The following ATIC variants were observed in gnomAD, a reference collection of about 807,000 sequenced individuals.
ATIC encodes 5-aminoimidazole-4-carboxamide ribonucleotide formyltransferase/IMP cyclohydrolase.
ATIC carries 64 observed loss-of-function variants against 72.5 expected under a neutral mutation model. The ratio of observed to expected loss-of-function variants is 0.88; its 90% confidence interval spans 0.72 to 1.09. The LOEUF is 1.09. ATIC is among the 50% of genes least tolerant of loss of function. The pLI, the probability that ATIC is intolerant of heterozygous loss-of-function variation, is 0.00. For missense variants in ATIC, 787 were observed against 732.4 expected (o/e 1.07, Z -0.86); for synonymous variants, 281 against 267.1 (o/e 1.05, Z -0.51).
At chr2:215,338,662 A>G in intron 11 of ATIC, 117 bp from the exon 12 acceptor site, 2 of 1,114,806 alleles carry the variant, frequency 1.8e-6, no homozygotes, top group Non-Finnish European at 2.5e-6. Flanking sequence ...GAAAACTGTA[A>G]AAAATTAGAA....
chr2:215,344,708 T>TAA, intron 12 of ATIC, 71 bp from the exon 13 acceptor site: 2 of 1,447,894 alleles, frequency 1.4e-6, no homozygotes, highest in South Asian at 2.4e-5. Context: ...AAATAATATT[T>TAA]AAAAAAAGAA....
At chr2:215,320,488 G>A (rs2052754885) in intron 4 of ATIC, among the ~76,000 whole-genome samples, 2 of 152,196 alleles carry the variant, frequency 1.3e-5, no homozygotes, top group Non-Finnish European at 2.9e-5. Context: ...GGAAAGCAGA[G>A]GGGGAGCTGG....
chr2:215,319,565 CAATGGGATTT>C (rs2052745285), intron 3 of ATIC, 90 bp from the exon 4 acceptor site: 1 of 904,276 alleles, frequency 1.1e-6, no homozygotes, highest in African/African-American at 1.7e-5. Flanking sequence ...TTTTTTTAAT[CAATGGGATTT>C]AATTTGATTG....
chr2:215,312,102 G>C lies in ATIC; in HGVS notation c.-41G>C. 1.2e-5 allele frequency: 18 copies of C among 1,530,056 alleles called. No individual in the cohort carries two copies. Among genetic ancestry groups the C allele is most frequent in the Non-Finnish European group, 1.6e-5 (18 of 1,144,674 alleles). The allele number at this position is 1,530,056 out of a possible 1,614,324, so 94.8% of individuals were successfully genotyped here. A position where few individuals can be genotyped will look rare whatever the true frequency, so the allele number is the denominator to read the frequency against. On this transcript the variant is annotated 5_prime_UTR_variant, in exon 1 of 16. Transcript: ENST00000236959. The stretch of plus-strand genomic sequence containing the variant: ...TCCTACCTGCGCACGTGGTGCCGCC[G>C]CTGCTGCCTCCCGCTCGCCCTGAAC...
downstream of ATIC, among the ~76,000 whole-genome samples, chr2:215,353,673 T>C (rs373771961): frequency 9.9e-5 from 15 of 152,072 alleles, no homozygotes; most frequent in East Asian, 2.5e-3. Flanking sequence ...TTGATTCTCC[T>C]GCCTCAACCT....
chr2:215,337,200 C>A (rs1169670336), intron 11 of ATIC, among the ~76,000 whole-genome samples: 1 of 151,566 alleles, frequency 6.6e-6, no homozygotes, highest in Non-Finnish European at 1.5e-5. Context: ...AGTAAAAATT[C>A]CTAATGCTAC....
chr2:215,312,745 G>A (rs1339356443), intron 2 of ATIC, 121 bp downstream of exon 2: 1 of 1,460,624 alleles, frequency 6.8e-7, no homozygotes, highest in Non-Finnish European at 9.4e-7. Context: ...TGAGGTTGGT[G>A]TAATACTTCC....
chr2:215,333,535 A>C (rs2052919013), intron 9 of ATIC, 78 bp downstream of exon 9: 1 of 1,119,458 alleles, frequency 8.9e-7, no homozygotes, highest in Admixed American at 2.4e-5. Flanking sequence ...AAGAGGATAG[A>C]ATAAAGAAAA....
At chr2:215,314,467 C>T (rs930368868) in intron 2 of ATIC, among the ~76,000 whole-genome samples, 3 of 151,774 alleles carry the variant, frequency 2.0e-5, no homozygotes, top group African/African-American at 4.8e-5. Context: ...GTAACTCGCT[C>T]GAGATTACAC....
chr2:215,321,174 A>G (rs900288549), intron 4 of ATIC, among the ~76,000 whole-genome samples: 4 of 152,156 alleles, frequency 2.6e-5, no homozygotes, highest in Non-Finnish European at 4.4e-5. Context: ...GGCAACCACC[A>G]ATTGTTACGT....
chr2:215,357,784 CTGCTT>C, the ATIC span, among the ~76,000 whole-genome samples: 1 of 151,652 alleles, frequency 6.6e-6, no homozygotes, highest in Non-Finnish European at 1.5e-5. Flanking sequence ...TGTGTTTCTT[CTGCTT>C]TATCAGCCTT....
chr2:215,339,626 G>T (rs568542662), intron 12 of ATIC, among the ~76,000 whole-genome samples: 8 of 152,056 alleles, frequency 5.3e-5, no homozygotes, highest in East Asian at 1.9e-4. Context: ...CTGATTGATT[G>T]ATTTATTTTT....
chr2:215,343,910 A>G (rs115594073), intron 12 of ATIC, among the ~76,000 whole-genome samples: 1 of 152,248 alleles, frequency 6.6e-6, no homozygotes, highest in Non-Finnish European at 1.5e-5. Flanking sequence ...AGATAGTGAT[A>G]TTTTTGGGCG....
chr2:215,325,088 G>T (rs867558301), intron 4 of ATIC, 153 bp from the exon 5 acceptor site: 15 of 639,786 alleles, frequency 2.3e-5, no homozygotes, highest in Non-Finnish European at 4.2e-5. Context: ...TAACACACTC[G>T]TTAGAATTCT....
At chr2:215,339,779 C>G (rs1237406435) in intron 12 of ATIC, among the ~76,000 whole-genome samples, 1 of 151,066 alleles carries the variant, frequency 6.6e-6, no homozygotes. Context: ...GGACTACAGG[C>G]GCCCGCCACA....
At chr2:215,325,528 A>G (rs892080474) in intron 5 of ATIC, among the ~76,000 whole-genome samples, 199 bp downstream of exon 5, 2 of 151,708 alleles carry the variant, frequency 1.3e-5, no homozygotes, top group African/African-American at 4.8e-5. Flanking sequence ...GCAGAGATGC[A>G]TCTGGGTTAT....
chr2:215,361,517 A>G, the ATIC span: 1 of 1,394,486 alleles, frequency 7.2e-7, no homozygotes, highest in Non-Finnish European at 1.0e-6. Context: ...GGATCTTGGC[A>G]GAGAGACATG....
At chr2:215,342,726 C>T (rs1423566759) in intron 12 of ATIC, among the ~76,000 whole-genome samples, 3 of 152,206 alleles carry the variant, frequency 2.0e-5, no homozygotes, top group Non-Finnish European at 4.4e-5. Flanking sequence ...GTTGTCCAGG[C>T]TGGAGTGCAA....
chr2:215,367,853 A>AACT, the ATIC span: 1 of 1,613,814 alleles, frequency 6.2e-7, no homozygotes, highest in Non-Finnish European at 8.5e-7. Context: ...TGGACAAAGC[A>AACT]ACTACTCACT....
Sources: allele counts gnomAD v4.1 joint callset (sites outside exome capture counted in the v4.1 genomes callset), GRCh38; gene constraint gnomAD v4.1.1; transcripts MANE v1.5; gene names NCBI Gene and HGNC (gene_info 2026-07-23, HGNC 2026-07-21).